The following EDDM13 variants were observed in gnomAD, a reference collection of about 807,000 sequenced individuals.
The protein encoded by EDDM13 is epididymal protein 13.
Under a neutral mutation model 17.8 loss-of-function variants are expected in EDDM13, and 24 were observed. That is an observed-to-expected ratio of 1.35 (90% CI 0.98 to 1.90). The LOEUF is 1.90. Ranked by LOEUF, EDDM13 falls within the 40% of genes most tolerant of loss-of-function variation. EDDM13 has a pLI of 0.00. For synonymous variants in EDDM13, 31 were observed against 37.5 expected (o/e 0.83, Z 0.63); for missense variants, 97 against 100.8 (o/e 0.96, Z 0.16).
At chr19:56,284,264 G>GC in intron 5 of EDDM13, 58 bp downstream of exon 5, 4 of 812,740 alleles carry the variant, frequency 4.9e-6, no homozygotes, top group Non-Finnish European at 6.0e-6. Context: ...GGGAAATTTT[G>GC]GGCTTTGCTC....
chr19:56,288,764 T>C (rs2039311847), intron 7 of EDDM13, among the ~76,000 whole-genome samples, 110 bp from the exon 8 acceptor site: 1 of 152,210 alleles, frequency 6.6e-6, no homozygotes. Context: ...CTCCTCTGAC[T>C]GGTCAGGGAT....
chr19:56,297,611 GAGA>G (rs1413660751), intron 12 of EDDM13, 80 bp downstream of exon 12: 11 of 849,772 alleles, frequency 1.3e-5, no homozygotes, highest in Non-Finnish European at 1.5e-5. Context: ...AGCCTTAGAA[GAGA>G]AGATTTCAGG....
At chr19:56,304,658 C>G (rs1429369612) in intron 13 of EDDM13, 135 bp from the exon 14 acceptor site, 1 of 327,368 alleles carries the variant, frequency 3.1e-6, no homozygotes, top group African/African-American at 2.3e-5. Context: ...ATGTTACAAC[C>G]AGAGGGAAAG....
intron 2 of EDDM13, among the ~76,000 whole-genome samples, 138 bp downstream of exon 2, chr19:56,276,247 A>G (rs1168671648): frequency 6.6e-6 from 1 of 152,216 alleles, no homozygotes; most frequent in South Asian, 2.1e-4. Context: ...TGGGGTCTGG[A>G]CATGACTCAG....
At chr19:56,293,296 C>A (rs961075724) in intron 9 of EDDM13, among the ~76,000 whole-genome samples, 1 of 152,140 alleles carries the variant, frequency 6.6e-6, no homozygotes, top group Non-Finnish European at 1.5e-5. Context: ...GAGTCGCTTG[C>A]TCATGGTCAC....
intron 14 of EDDM13, 43 bp downstream of exon 14, chr19:56,304,873 G>A: frequency 1.1e-6 from 1 of 877,524 alleles, no homozygotes; most frequent in Non-Finnish European, 1.4e-6. Context: ...CCGCTGGGGT[G>A]GGGTTAGGGG....
chr19:56,276,511 T>TTTTTC (rs1429116467), intron 2 of EDDM13, among the ~76,000 whole-genome samples: 1 of 149,054 alleles, frequency 6.7e-6, no homozygotes, highest in Non-Finnish European at 1.5e-5. Flanking sequence ...GAGCTCTTTT[T>TTTTTC]TTTTTTTTCC....
At chr19:56,273,911 G>A (rs1404297716) in intron 1 of EDDM13, among the ~76,000 whole-genome samples, 1 of 152,136 alleles carries the variant, frequency 6.6e-6, no homozygotes, top group Non-Finnish European at 1.5e-5. Flanking sequence ...AATGTGTCTT[G>A]CCCTCAGGAA....
intron 6 of EDDM13, 133 bp downstream of exon 6, chr19:56,285,157 T>C (rs1252403748): frequency 6.6e-6 from 2 of 300,770 alleles, no homozygotes; most frequent in African/African-American, 4.5e-5. Context: ...ACATGTTTTG[T>C]TTGAACTTTG....
intron 13 of EDDM13, among the ~76,000 whole-genome samples, chr19:56,303,806 CCGGG>C (rs2040500688): frequency 8.2e-6 from 1 of 121,742 alleles, no homozygotes; most frequent in Admixed American, 8.1e-5. Flanking sequence ...GCAGCCTTCC[CCGGG>C]CAGGTAACGT....
At chr19:56,291,680 C>A (rs2039519067) in intron 9 of EDDM13, among the ~76,000 whole-genome samples, 1 of 152,148 alleles carries the variant, frequency 6.6e-6, no homozygotes, top group Non-Finnish European at 1.5e-5. Context: ...TGCTCCTGTT[C>A]TCATCTCTGC....
At chr19:56,306,139 TG>T (rs2040670133) in intron 14 of EDDM13, among the ~76,000 whole-genome samples, 1 of 152,066 alleles carries the variant, frequency 6.6e-6, no homozygotes, top group African/African-American at 2.4e-5. Flanking sequence ...CCCAGTGACA[TG>T]AAGTGTAGAG....
chr19:56,284,607 C>T (rs575364972), intron 5 of EDDM13, among the ~76,000 whole-genome samples: 13 of 149,786 alleles, frequency 8.7e-5, no homozygotes, highest in East Asian at 2.0e-4. Context: ...CTCTGCCTCC[C>T]GGGTTCATGC....
At chr19:56,302,836 T>C (rs1422040050) in intron 13 of EDDM13, 3 of 398,634 alleles carry the variant, frequency 7.5e-6, no homozygotes, top group Non-Finnish European at 1.3e-5. Flanking sequence ...TCTTGTTCTT[T>C]CTAAGGGACG....
At chr19:56,299,317 G>C (rs2040080781) in intron 12 of EDDM13, among the ~76,000 whole-genome samples, 1 of 151,846 alleles carries the variant, frequency 6.6e-6, no homozygotes, top group African/African-American at 2.4e-5. Context: ...ATTTTTTGTA[G>C]AGTTTGGGTC....
intron 2 of EDDM13, among the ~76,000 whole-genome samples, chr19:56,276,452 A>G (rs1440955481): frequency 2.0e-5 from 3 of 151,008 alleles, no homozygotes; most frequent in Non-Finnish European, 4.4e-5. Flanking sequence ...TGCAAACTTC[A>G]TGGTCTTAGG....
At chr19:56,277,612 T>TA (rs1219246274) in intron 2 of EDDM13, among the ~76,000 whole-genome samples, 1 of 152,088 alleles carries the variant, frequency 6.6e-6, no homozygotes, top group Non-Finnish European at 1.5e-5. Context: ...AAAACTGGTG[T>TA]AGTGATGGTC....
chr19:56,292,366 G>A (rs2039567353), intron 9 of EDDM13, among the ~76,000 whole-genome samples: 1 of 152,172 alleles, frequency 6.6e-6, no homozygotes, highest in Non-Finnish European at 1.5e-5. Context: ...GGGCTCAAGC[G>A]ATCCTTCTTT....
Position 56,284,193 on chromosome 19 carries a change from A to G in EDDM13, c.119-5A>G, listed in dbSNP as rs1043428684. ...TGCTGACTCTCCTGGATGGGCTGCC[A>G]TCAGGGATCATAGGTAAGTACCTTG... On this transcript the variant is annotated splice_polypyrimidine_tract_variant and splice_region_variant and intron_variant, in intron 4 of 14. Coordinates refer to ENST00000649256, the MANE Select transcript of EDDM13 (RefSeq NM_001354658.2). 22 of 985,232 alleles carry G rather than the reference A, an allele frequency of 2.2e-5. No homozygotes were observed. In the African/African-American group the frequency reaches 3.7e-4, roughly 16 times the overall value. The allele number at this position is 985,232 out of a possible 1,614,324, so 61.0% of individuals were successfully genotyped here.
Sources: gnomAD v4.1 joint callset for allele counts (sites outside exome capture counted in the v4.1 genomes callset) on GRCh38, gnomAD v4.1.1 for gene constraint, MANE v1.5 for transcripts, NCBI Gene and HGNC (gene_info 2026-07-23, HGNC 2026-07-21) for gene names.